Variants in ASIC2 observed in about 807,000 individuals in gnomAD.
The protein encoded by ASIC2 is acid sensing ion channel subunit 2.
A neutral mutation model predicts 57.3 loss-of-function variants in ASIC2; 25 were observed. The ratio of observed to expected loss-of-function variants is 0.44; its 90% CI spans 0.32 to 0.61. ASIC2 has a LOEUF of 0.61. Ranked by LOEUF, ASIC2 falls within the 20% of genes least tolerant of loss-of-function variation. The pLI, the probability that ASIC2 is intolerant of heterozygous loss-of-function variation, is 0.06. For synonymous variants in ASIC2, 319 were observed against 307.5 expected, an observed-to-expected ratio of 1.04 and a Z score of -0.39; for missense variants, 641 against 738.1, an observed-to-expected ratio of 0.87 and a Z score of 1.52.
chr17:33,307,608 C>T (rs954244756), intron 1 of ASIC2, among the ~76,000 whole-genome samples: 1 of 152,186 alleles, frequency 6.6e-6, no homozygotes, highest in Non-Finnish European at 1.5e-5. Flanking sequence ...GCACACCCGA[C>T]CTTCTACTCA....
rs559964781 is a variant in ASIC2, at chr17:34,038,250, C to G, written c.555+117728G>C. ...ATGATAATGGACCGGGCCTCTTTCT[C>G]TGACATTAATTTGTGCTGTTTCAGG... On this transcript the variant is annotated intron_variant, in intron 1 of 9. Transcript: ENST00000359872. 211 of 1,611,038 alleles carry G rather than the reference C, an allele frequency of 1.3e-4. 1 individual carries two copies. In the East Asian group the frequency reaches 4.5e-3, roughly 35 times the overall value.
intron 1 of ASIC2, among the ~76,000 whole-genome samples, chr17:34,094,281 T>C (rs1910439363): frequency 6.6e-6 from 1 of 152,190 alleles, no homozygotes; most frequent in African/African-American, 2.4e-5. Context: ...CTAGGTCATT[T>C]AGCCTTACGT....
chr17:33,019,755 A>C (rs1225121142), intron 7 of ASIC2, among the ~76,000 whole-genome samples: 1 of 152,094 alleles, frequency 6.6e-6, no homozygotes. Context: ...TCTGACGCAG[A>C]CATGACAAAT....
At chr17:33,856,010 G>A (rs1401044035) in intron 1 of ASIC2, among the ~76,000 whole-genome samples, 1 of 152,150 alleles carries the variant, frequency 6.6e-6, no homozygotes, top group Non-Finnish European at 1.5e-5. Flanking sequence ...AAGGAGCAAG[G>A]AAGAAGGGGG....
chr17:33,964,437 A>G lies in ASIC2; in HGVS notation c.555+191541T>C, dbSNP rs189268439. On this transcript the variant is annotated intron_variant, in intron 1 of 9. Transcript: ENST00000359872. The stretch of plus-strand genomic sequence containing the variant: ...CAGTAGTCTTACATATTCCCTGGCT[A>G]CAAAGGACTCCCAGTCCCTCAGAGT... Among the ~76,000 whole-genome samples, 15 of 152,356 alleles carry G rather than the reference A, an allele frequency of 9.8e-5. No individual in the cohort carries two copies. The East Asian group carries it at 2.5e-3, about 25-fold the overall frequency.
At chr17:33,807,995 T>C (rs572751055) in intron 1 of ASIC2, among the ~76,000 whole-genome samples, 1 of 152,266 alleles carries the variant, frequency 6.6e-6, no homozygotes, top group South Asian at 2.1e-4. Context: ...TCTCATTTTA[T>C]TCTGTTGATG....
At chr17:33,863,696 G>A (rs542912366) in intron 1 of ASIC2, among the ~76,000 whole-genome samples, 22 of 152,228 alleles carry the variant, frequency 1.4e-4, no homozygotes, top group African/African-American at 5.1e-4. Flanking sequence ...TTCTCTGTCA[G>A]TCCATCTGGT....
At chr17:33,241,396 C>T (rs1278590460) in intron 1 of ASIC2, among the ~76,000 whole-genome samples, 1 of 152,178 alleles carries the variant, frequency 6.6e-6, no homozygotes, top group Non-Finnish European at 1.5e-5. Context: ...CAGCTTTTCT[C>T]CTCAACCCCC....
At chr17:33,469,622 C>A (rs760859031) in intron 1 of ASIC2, among the ~76,000 whole-genome samples, 5 of 152,094 alleles carry the variant, frequency 3.3e-5, no homozygotes, top group Non-Finnish European at 7.3e-5. Flanking sequence ...GCTGTGGACT[C>A]GACTCTCACT....
At chr17:33,398,018 G>A (rs1237990387) in intron 1 of ASIC2, among the ~76,000 whole-genome samples, 1 of 152,218 alleles carries the variant, frequency 6.6e-6, no homozygotes, top group African/African-American at 2.4e-5. Context: ...GATGGTGGGA[G>A]CAGTGCAGGG....
At chr17:33,383,411 C>T (rs1199350587) in intron 1 of ASIC2, among the ~76,000 whole-genome samples, 1 of 152,188 alleles carries the variant, frequency 6.6e-6, no homozygotes, top group African/African-American at 2.4e-5. Context: ...TGTTCGGCTC[C>T]TACCTCCTGG....
At chr17:33,387,362 GT>G (rs1399371574) in intron 1 of ASIC2, among the ~76,000 whole-genome samples, 2 of 152,254 alleles carry the variant, frequency 1.3e-5, no homozygotes, top group Admixed American at 1.3e-4. Context: ...TAACAGGAGT[GT>G]TTGTTGGCTC....
At chr17:33,526,615 T>C (rs114281898) in intron 1 of ASIC2, among the ~76,000 whole-genome samples, 2,011 of 152,274 alleles carry the variant, frequency 0.013, 49 homozygotes, top group African/African-American at 0.047. Flanking sequence ...GCTGGATTGT[T>C]CATCATCAGG....
intron 6 of ASIC2, among the ~76,000 whole-genome samples, chr17:33,021,847 C>G (rs1351378527): frequency 2.6e-5 from 4 of 152,198 alleles, no homozygotes; most frequent in African/African-American, 7.2e-5. Flanking sequence ...TTACATCTGG[C>G]TGGGGGGTGT....
intron 1 of ASIC2, among the ~76,000 whole-genome samples, chr17:33,901,515 T>C (rs1276930495): frequency 6.6e-6 from 1 of 152,096 alleles, no homozygotes; most frequent in Non-Finnish European, 1.5e-5. Context: ...GCACCTACCA[T>C]ATGCCTGGAA....
intron 1 of ASIC2, among the ~76,000 whole-genome samples, chr17:33,354,477 C>T (rs140649639): frequency 6.6e-6 from 1 of 152,242 alleles, no homozygotes; most frequent in African/African-American, 2.4e-5. Flanking sequence ...AGTGACTTCC[C>T]ACTGCTCTTG....
At chr17:33,255,610 G>A (rs1909040737) in intron 1 of ASIC2, among the ~76,000 whole-genome samples, 1 of 151,506 alleles carries the variant, frequency 6.6e-6, no homozygotes, top group Admixed American at 6.6e-5. Flanking sequence ...CGGGGGGGTG[G>A]AGGAGTCAGA....
chr17:33,438,927 C>T (rs892736527), intron 1 of ASIC2, among the ~76,000 whole-genome samples: 6 of 150,832 alleles, frequency 4.0e-5, no homozygotes, highest in Non-Finnish European at 8.8e-5. Context: ...CCTGCAGCCT[C>T]AACTTTCTGG....
intron 1 of ASIC2, among the ~76,000 whole-genome samples, chr17:33,343,573 C>T (rs1265044230): frequency 6.6e-6 from 1 of 152,132 alleles, no homozygotes; most frequent in African/African-American, 2.4e-5. Flanking sequence ...TTTTCCTATG[C>T]CATTCGCTTG....
Sources: allele counts gnomAD v4.1 joint callset (sites outside exome capture counted in the v4.1 genomes callset), GRCh38; gene constraint gnomAD v4.1.1; transcripts MANE v1.5; gene names NCBI Gene and HGNC (gene_info 2026-07-23, HGNC 2026-07-21).